The following SHD variants were observed in gnomAD, a reference collection of about 807,000 sequenced individuals.
SHD encodes Src homology 2 domain containing transforming protein D.
SHD carries 29 observed loss-of-function variants against 31.2 expected under a neutral mutation model. The observed-to-expected ratio is 0.93, with a 90% CI of 0.69 to 1.27. SHD has a LOEUF of 1.27. Among genes scored for constraint, SHD ranks in the 50% most tolerant of loss-of-function variants. The pLI is 0.00. For missense variants in SHD, 520 were observed against 453.8 expected (o/e 1.15, Z -1.33); for synonymous variants, 208 against 187.8 (o/e 1.11, Z -0.88).
Position 4,284,763 on chromosome 19 carries a change from TC to T in SHD, c.593-17del, listed in dbSNP as rs1481189329. On this transcript the variant is annotated splice_polypyrimidine_tract_variant and intron_variant, in intron 3 of 5. Transcript: ENST00000543264. ...GTAGGCTGGACTTAACCCTTTCCTC[TC>T]TAAATCTCCTTTCCAGTGCAGTTTG... The T allele has an allele frequency of 6.3e-7, 1 of 1,575,140 alleles. No homozygotes were observed. Among genetic ancestry groups the T allele is most frequent in the South Asian group, 1.2e-5 (1 of 86,792 alleles).
chr19:4,290,618 C>T lies in SHD; in HGVS notation c.1008C>T (p.Val336=). 1 of 1,608,626 alleles carries T rather than the reference C, an allele frequency of 6.2e-7. No homozygotes were observed. The part of the protein sequence containing the change: ...AEHLALLYPV[V]TQTP ...ATCTGGCTCTGCTGTACCCCGTGGTCACGCAGACCCCCTGACAGTGACCCT... is the reference window on the plus strand; with the variant it reads ...ATCTGGCTCTGCTGTACCCCGTGGTTACGCAGACCCCCTGACAGTGACCCT... Residue 336 remains valine (V), a synonymous_variant, in exon 6 of 6, where the codon GTC becomes GTT. Coordinates refer to ENST00000543264, the MANE Select transcript of SHD (RefSeq NM_020209.4).
At chr19:4,287,060 G>A (rs994563859) in intron 4 of SHD, among the ~76,000 whole-genome samples, 7 of 149,880 alleles carry the variant, frequency 4.7e-5, no homozygotes, top group East Asian at 2.0e-4. Flanking sequence ...GCAGCCGGGC[G>A]CAGTGGCTCA....
intron 5 of SHD, among the ~76,000 whole-genome samples, chr19:4,290,003 G>C (rs1971360253): frequency 6.6e-6 from 1 of 151,938 alleles, no homozygotes; most frequent in African/African-American, 2.4e-5. Context: ...AGCCTCTTGA[G>C]TAGCTGGGAC....
Position 4,288,330 on chromosome 19 carries a change from GACCA to G in SHD, c.808_811del (p.Asn270ProfsTer17). ...GCAGCTACCTAGTGCGGCTCAGTGA[GACCA>G]ACCCCCAGGACTGCTCCTTGTCTCT... On this transcript the variant is annotated frameshift_variant, in exon 5 of 6. Coordinates refer to ENST00000543264, the MANE Select transcript of SHD (RefSeq NM_020209.4). LOFTEE classifies it low-confidence loss of function (END_TRUNC). 6.2e-7 allele frequency: 1 copy of G among 1,613,904 alleles called. No homozygotes were observed. Among genetic ancestry groups the G allele is most frequent in the Non-Finnish European group, 8.5e-7 (1 of 1,179,916 alleles).
chr19:4,279,784 G>A lies in SHD; in HGVS notation c.-280G>A. On this transcript the variant is annotated 5_prime_UTR_variant, in exon 1 of 6. Coordinates refer to ENST00000543264, the MANE Select transcript of SHD (RefSeq NM_020209.4). The surrounding 1 kb of genome is among the most constrained non-coding windows in gnomAD (Gnocchi z 7.5). ...CTAGCCCCCAGCGCGCGGGGTTCGG[G>A]GCCCTGCGAGGTCCCCCCTTCCCCC... 2.2e-6 allele frequency: 1 copy of A among 464,518 alleles called. No individual in the cohort carries two copies. Among genetic ancestry groups the A allele is most frequent in the Non-Finnish European group, 3.8e-6 (1 of 262,556 alleles). The allele number at this position is 464,518 out of a possible 1,614,324, so 28.8% of individuals were successfully genotyped here. A position where few individuals can be genotyped will look rare whatever the true frequency, so the allele number is the denominator to read the frequency against.
intron 5 of SHD, among the ~76,000 whole-genome samples, chr19:4,289,437 G>C (rs983409184): frequency 1.3e-5 from 2 of 151,728 alleles, no homozygotes; most frequent in South Asian, 4.2e-4. Flanking sequence ...GTACAGACAG[G>C]GTTTCGCCAT....
In SHD at chr19:4,284,887, GC is replaced by G; in HGVS notation, c.703del (p.Leu235TrpfsTer11). 1 of 1,601,798 alleles carries G rather than the reference GC, an allele frequency of 6.2e-7. No individual in the cohort carries two copies. The highest frequency in any genetic ancestry group is 8.5e-7 in the Non-Finnish European group (1 of 1,172,886). On this transcript the variant is annotated frameshift_variant, in exon 4 of 6. Coordinates refer to ENST00000543264, the MANE Select transcript of SHD (RefSeq NM_020209.4). LOFTEE classifies it high-confidence loss of function. The stretch of plus-strand genomic sequence containing the variant: ...CTGCGGAGCGTGTGGACCCAGCCCT[GC>G]CCCTGGAGAAACAGCCGTGAGTGGG... ...QPAERVDPAL[P>X]LEKQPWFHGP...
intron 4 of SHD, among the ~76,000 whole-genome samples, chr19:4,286,202 T>TTTTCTTTCTTTC (rs148405058): frequency 4.8e-5 from 6 of 124,480 alleles, no homozygotes; most frequent in Non-Finnish European, 1.0e-4. Context: ...CGCTCTTTCT[T>TTTTCTTTCTTTC]TTTCTTTCTT....
rs533332280 is a variant in SHD, at chr19:4,290,326, T to C, written c.837-121T>C. ...AGTATACCAGCCACCACACTGCTGT[T>C]TACCAGAGACTGGAGACACACGAGC... On this transcript the variant is annotated intron_variant, in intron 5 of 5. Coordinates refer to ENST00000543264, the MANE Select transcript of SHD (RefSeq NM_020209.4). 8.7e-5 allele frequency: 91 copies of C among 1,049,488 alleles called. No individual in the cohort carries two copies. In the African/African-American group the frequency reaches 1.4e-3, roughly 16 times the overall value. The allele number at this position is 1,049,488 out of a possible 1,614,324, so 65.0% of individuals were successfully genotyped here.
chr19:4,282,906 G>A lies in SHD; in HGVS notation c.334G>A (p.Ala112Thr). 6.2e-7 allele frequency: 1 copy of A among 1,613,900 alleles called. No individual in the cohort carries two copies. The highest frequency in any genetic ancestry group is 8.5e-7 in the Non-Finnish European group (1 of 1,179,978). Residue 112 changes from alanine (A) to threonine (T), a missense_variant, in exon 2 of 6, where the codon GCT becomes ACT. By Grantham distance (58) the Ala-to-Thr change is moderately conservative (BLOSUM62 0). Coordinates refer to ENST00000543264, the MANE Select transcript of SHD (RefSeq NM_020209.4). ...CACTGAGTATTTAGACCCCTTTGAT[G>A]CTCAGCCTCATCCTGCACCCCCGGA... ...ADTEYLDPFD[A>T]QPHPAPPDDG...
At position 4,282,111 on chromosome 19, in the gene SHD, C is replaced by A. The variant is rs778469479; in HGVS notation, c.298-759C>A. 2.6e-5 allele frequency among the ~76,000 whole-genome samples: 4 copies of A among 152,072 alleles called. No individual in the cohort carries two copies. The South Asian group carries it at 6.2e-4, about 24-fold the overall frequency. ...CACTTTTGGGTAACAGACTCCCTCT[C>A]CAACCCCCAAAAAGAACTCTTGGAG... On this transcript the variant is annotated intron_variant, in intron 1 of 5. Transcript: ENST00000543264.
rs1221106135 is a variant in SHD, at chr19:4,280,238, G to A, written c.175G>A (p.Gly59Ser). 1 of 1,613,834 alleles carries A rather than the reference G, an allele frequency of 6.2e-7. No individual in the cohort carries two copies. The highest frequency in any genetic ancestry group is 8.5e-7 in the Non-Finnish European group (1 of 1,180,014). Residue 59 changes from glycine (G) to serine (S), a missense_variant, in exon 1 of 6, where the codon GGC becomes AGC. Transcript: ENST00000543264. ...GAGCCGCTTGGAGCCGGACCCCGCG[G>A]GCCCTGGGGACTCCAAGAACCCCGG... ...AESRLEPDPA[G>S]PGDSKNPGDA...
chr19:4,279,845 C>T lies in SHD; in HGVS notation c.-219C>T, dbSNP rs1041864274. 11 of 607,088 alleles carry T rather than the reference C, an allele frequency of 1.8e-5. No homozygotes were observed. Among genetic ancestry groups the T allele is most frequent in the Non-Finnish European group, 3.1e-5 (11 of 356,160 alleles). The allele number at this position is 607,088 out of a possible 1,614,324, so 37.6% of individuals were successfully genotyped here. On this transcript the variant is annotated 5_prime_UTR_variant, in exon 1 of 6. Coordinates refer to ENST00000543264, the MANE Select transcript of SHD (RefSeq NM_020209.4). The surrounding 1 kb of genome is among the most constrained non-coding windows in gnomAD (Gnocchi z 7.5). ...CCAAGCTGGGCTAAGGCGGGCTTCT[C>T]TTCCTCCCTCCTCTGTCGCCTCCTT...
In SHD at chr19:4,280,689, G is replaced by A. The variant is rs4807568; in HGVS notation, c.297+329G>A. ...ATTACAGGTGTGTGCCACCACACCC[G>A]GCTAATTTTTGTATTTTCAGTAGAG... On this transcript the variant is annotated intron_variant, in intron 1 of 5. Coordinates refer to ENST00000543264, the MANE Select transcript of SHD (RefSeq NM_020209.4). Among the ~76,000 whole-genome samples, 1,196 of 152,002 alleles carry A rather than the reference G, an allele frequency of 7.9e-3. 42 individuals carry two copies. The highest frequency in any genetic ancestry group is 0.053 in the Admixed American group (811 of 15,256).
intron 5 of SHD, 146 bp downstream of exon 5, chr19:4,288,508 G>A: frequency 1.0e-6 from 1 of 970,792 alleles, no homozygotes; most frequent in Non-Finnish European, 1.5e-6. Context: ...TAGGAGAAGG[G>A]GTGGGAGTTC....
chr19:4,287,088 C>T (rs1333955874), intron 4 of SHD, among the ~76,000 whole-genome samples: 2 of 152,042 alleles, frequency 1.3e-5, no homozygotes, highest in Non-Finnish European at 2.9e-5. Flanking sequence ...AATCCCAGCA[C>T]TTTGGGAGGC....
intron 5 of SHD, among the ~76,000 whole-genome samples, chr19:4,289,253 GGCGCCCACCACCAC>G (rs901938729): frequency 2.0e-5 from 3 of 150,870 alleles, no homozygotes; most frequent in Non-Finnish European, 4.4e-5. Context: ...TGGGACTACA[GGCGCCCACCACCAC>G]GCCCGGCTAA....
In SHD at chr19:4,288,193, T is replaced by A; in HGVS notation, c.717-50T>A. 5.1e-6 allele frequency: 8 copies of A among 1,575,474 alleles called. No homozygotes were observed. In the South Asian group the frequency reaches 9.2e-5, roughly 18 times the overall value. ...GTGCTGGGATTACAGGGCCCCAGAG[T>A]GTGTTTGAAGGGAATGGCCCTTGAT... On this transcript the variant is annotated intron_variant, in intron 4 of 5. Transcript: ENST00000543264.
At chr19:4,282,531 C>G (rs1369663404) in intron 1 of SHD, among the ~76,000 whole-genome samples, 1 of 152,058 alleles carries the variant, frequency 6.6e-6, no homozygotes, top group Non-Finnish European at 1.5e-5. Context: ...CGAGACCATC[C>G]CGGCTAACAC....
Sources: gnomAD v4.1 joint callset for allele counts (sites outside exome capture counted in the v4.1 genomes callset) on GRCh38, gnomAD v4.1.1 for gene constraint, Gnocchi (gnomAD v3.1) non-coding constraint, MANE v1.5 for transcripts, NCBI Gene and HGNC (gene_info 2026-07-23, HGNC 2026-07-21) for gene names.